The following GALNTL6 variants were observed in gnomAD, a reference collection of about 807,000 sequenced individuals.
The protein encoded by GALNTL6 is polypeptide N-acetylgalactosaminyltransferase-like 6.
Under a neutral mutation model 73.7 loss-of-function variants are expected in GALNTL6, and 46 were observed. That is an observed-to-expected ratio of 0.62 (90% CI 0.49 to 0.80). The LOEUF is 0.80. GALNTL6 is among the 30% of genes least tolerant of loss of function. The pLI, the probability that GALNTL6 is intolerant of heterozygous loss-of-function variation, is 0.00. For synonymous variants in GALNTL6, 259 were observed against 263.7 expected (o/e 0.98, Z 0.17); for missense variants, 604 against 755.0 (o/e 0.80, Z 2.34).
chr4:172,924,344 T>C (rs1317781855), intron 8 of GALNTL6, among the ~76,000 whole-genome samples: 1 of 152,234 alleles, frequency 6.6e-6, no homozygotes, highest in African/African-American at 2.4e-5. Flanking sequence ...CGGGCAACAC[T>C]GTCTCCAATT....
At chr4:172,638,085 C>T (rs1739778864) in intron 5 of GALNTL6, among the ~76,000 whole-genome samples, 3 of 152,092 alleles carry the variant, frequency 2.0e-5, no homozygotes, top group African/African-American at 7.2e-5. Context: ...TCATGTCTCC[C>T]ATAGTCATTG....
At chr4:172,701,320 C>T (rs560042248) in intron 5 of GALNTL6, among the ~76,000 whole-genome samples, 1 of 152,082 alleles carries the variant, frequency 6.6e-6, no homozygotes, top group East Asian at 1.9e-4. Context: ...AGAGAAGTTG[C>T]TATAATTATT....
At chr4:172,905,493 G>A (rs1208263477) in intron 8 of GALNTL6, among the ~76,000 whole-genome samples, 4 of 152,006 alleles carry the variant, frequency 2.6e-5, no homozygotes. Flanking sequence ...TGAGTACAGA[G>A]CATTTAGTTC....
At position 172,501,425 on chromosome 4, in the gene GALNTL6, AC is replaced by A. The variant is rs1734257467; in HGVS notation, c.553+152741del. On this transcript the variant is annotated intron_variant, in intron 5 of 12. Transcript: ENST00000506823. ...GACTTATTGTGGATATGTAAAATGG[AC>A]CCCCAAATCTTAAAGCTTAGTAAAG... Among the ~76,000 whole-genome samples, 3 of 152,282 alleles carry A rather than the reference AC, an allele frequency of 2.0e-5. No individual in the cohort carries two copies. In the South Asian group the frequency reaches 6.2e-4, roughly 32 times the overall value.
At position 172,326,645 on chromosome 4, in the gene GALNTL6, T is replaced by C. The variant is rs201662191; in HGVS notation, c.386+14893T>C. ...GTGGCGATCTGGCAATCTCTGCCTTTATGAGTTTGTTTAGACTACTTATAG... is the reference window on the plus strand; with the variant it reads ...GTGGCGATCTGGCAATCTCTGCCTTCATGAGTTTGTTTAGACTACTTATAG... On this transcript the variant is annotated intron_variant, in intron 4 of 12. Coordinates refer to ENST00000506823, the MANE Select transcript of GALNTL6 (RefSeq NM_001034845.3). Among the ~76,000 whole-genome samples the C allele has an allele frequency of 8.1e-4, 123 of 152,124 alleles. 2 individuals carry two copies. In the South Asian group the frequency reaches 0.016, roughly 19 times the overall value.
intron 5 of GALNTL6, among the ~76,000 whole-genome samples, chr4:172,794,697 G>A (rs1471018469): frequency 6.6e-6 from 1 of 152,090 alleles, no homozygotes; most frequent in Non-Finnish European, 1.5e-5. Flanking sequence ...ATCTTCGTCA[G>A]AATCAACCCT....
intron 3 of GALNTL6, among the ~76,000 whole-genome samples, chr4:172,246,202 G>A (rs767897060): frequency 6.6e-6 from 1 of 152,030 alleles, no homozygotes; most frequent in African/African-American, 2.4e-5. Flanking sequence ...TAGGCGTTTC[G>A]TTCGATAATG....
intron 5 of GALNTL6, among the ~76,000 whole-genome samples, chr4:172,514,782 C>CCTG (rs1240959234): frequency 6.6e-6 from 1 of 152,154 alleles, no homozygotes; most frequent in African/African-American, 2.4e-5. Context: ...AGGGCTCTTC[C>CCTG]CTGCTGCTGC....
intron 2 of GALNTL6, among the ~76,000 whole-genome samples, chr4:171,868,862 G>T (rs1398370878): frequency 6.6e-6 from 1 of 152,048 alleles, no homozygotes; most frequent in African/African-American, 2.4e-5. Flanking sequence ...TGTATTTTTA[G>T]TAGAGACAGG....
chr4:172,518,823 A>G (rs1323968022), intron 5 of GALNTL6, among the ~76,000 whole-genome samples: 2 of 151,920 alleles, frequency 1.3e-5, no homozygotes, highest in East Asian at 3.8e-4. Context: ...TTCTGATATG[A>G]TTATCATGTT....
At chr4:172,727,280 A>G (rs1735872471) in intron 5 of GALNTL6, among the ~76,000 whole-genome samples, 2 of 152,234 alleles carry the variant, frequency 1.3e-5, no homozygotes, top group South Asian at 4.1e-4. Flanking sequence ...ATTCATCTGC[A>G]GAAAGTCATA....
intron 2 of GALNTL6, among the ~76,000 whole-genome samples, chr4:171,990,826 G>A (rs1487531064): frequency 6.6e-6 from 1 of 152,134 alleles, no homozygotes; most frequent in East Asian, 1.9e-4. Context: ...ATATCTACTG[G>A]AAATTTGAAA....
At chr4:172,409,435 A>G (rs1267731126) in intron 5 of GALNTL6, among the ~76,000 whole-genome samples, 7 of 151,986 alleles carry the variant, frequency 4.6e-5, no homozygotes, top group Admixed American at 4.6e-4. Context: ...CTACTACATA[A>G]AACAATAACT....
At chr4:172,144,869 T>C (rs1047575505) in intron 2 of GALNTL6, among the ~76,000 whole-genome samples, 5 of 152,204 alleles carry the variant, frequency 3.3e-5, no homozygotes, top group African/African-American at 1.2e-4. Context: ...CAATTCCCTG[T>C]AAGAATTAAG....
At chr4:172,386,541 A>G (rs1409903151) in intron 5 of GALNTL6, among the ~76,000 whole-genome samples, 4 of 152,124 alleles carry the variant, frequency 2.6e-5, no homozygotes, top group Admixed American at 2.6e-4. Context: ...TATTAGGGCA[A>G]TTCTCTCACT....
At chr4:172,179,841 A>G (rs1735177823) in intron 2 of GALNTL6, among the ~76,000 whole-genome samples, 1 of 152,176 alleles carries the variant, frequency 6.6e-6, no homozygotes, top group South Asian at 2.1e-4. Flanking sequence ...TATCCAGTCT[A>G]TCACTGATAG....
Position 172,661,167 on chromosome 4 carries a change from T to A in GALNTL6, c.554-148194T>A, listed in dbSNP as rs837202. On this transcript the variant is annotated intron_variant, in intron 5 of 12. Transcript: ENST00000506823. The stretch of plus-strand genomic sequence containing the variant: ...GACTAAAGCAGATTACCCTCCATAA[T>A]GTGGATGGGCCTCATACAATCAGTT... Among the ~76,000 whole-genome samples, 1,221 of 152,296 alleles carry A rather than the reference T, an allele frequency of 8.0e-3. 16 individuals carry two copies. The highest frequency in any genetic ancestry group is 0.028 in the African/African-American group (1,175 of 41,560).
chr4:172,763,195 GA>G (rs368514530), intron 5 of GALNTL6, among the ~76,000 whole-genome samples: 20 of 139,206 alleles, frequency 1.4e-4, no homozygotes, highest in African/African-American at 1.8e-4. Flanking sequence ...GCCATGAATT[GA>G]AAAAAAAAAA....
At chr4:172,674,935 G>T (rs896512719) in intron 5 of GALNTL6, among the ~76,000 whole-genome samples, 12 of 152,050 alleles carry the variant, frequency 7.9e-5, no homozygotes, top group Non-Finnish European at 1.5e-4. Context: ...ATAGCTTAAT[G>T]ATCTTCATTC....
Sources: gnomAD v4.1 joint callset for allele counts (sites outside exome capture counted in the v4.1 genomes callset) on GRCh38, gnomAD v4.1.1 for gene constraint, MANE v1.5 for transcripts, NCBI Gene and HGNC (gene_info 2026-07-23, HGNC 2026-07-21) for gene names.